Variants in INSR observed in about 807,000 individuals in gnomAD.
INSR encodes the protein insulin receptor.
In INSR, 67 loss-of-function variants were observed where a neutral mutation model predicts 142.6. The observed-to-expected ratio is 0.47, with a 90% CI of 0.39 to 0.58. The LOEUF (loss-of-function observed/expected upper bound fraction) is 0.58. INSR is among the 20% of genes least tolerant of loss of function. INSR has a pLI of 0.00. For missense variants in INSR, 1,248 were observed against 1,833.2 expected (o/e 0.68, Z 5.83); for synonymous variants, 756 against 743.1 (o/e 1.02, Z -0.28).
chr19:7,195,375 G>T (rs571546980), intron 2 of INSR, among the ~76,000 whole-genome samples: 4 of 152,274 alleles, frequency 2.6e-5, no homozygotes, highest in East Asian at 1.9e-4. Context: ...AGGTGTGGTG[G>T]CTAACACGTG....
At chr19:7,181,395 G>A (rs1974271080) in intron 3 of INSR, among the ~76,000 whole-genome samples, 1 of 152,130 alleles carries the variant, frequency 6.6e-6, no homozygotes, top group South Asian at 2.1e-4. Flanking sequence ...AGTGAGAGAG[G>A]CCAAGAAGAA....
In INSR at chr19:7,155,111, A is replaced by G. The variant is rs190974475; in HGVS notation, c.2030-2184T>C. 6.4e-4 allele frequency among the ~76,000 whole-genome samples: 98 copies of G among 152,288 alleles called. 1 individual carries two copies. Among genetic ancestry groups the G allele is most frequent in the African/African-American group, 2.3e-3 (94 of 41,562 alleles). On this transcript the variant is annotated intron_variant, in intron 9 of 21. Coordinates refer to ENST00000302850, the MANE Select transcript of INSR (RefSeq NM_000208.4). ...GTGCCATTTTCATGAAGGGGTCTCA[A>G]AGAAAGTCACCACTGAGACATCCTG... is the stretch of plus-strand genomic sequence containing the variant.
chr19:7,176,462 G>A (rs896195748), intron 3 of INSR, among the ~76,000 whole-genome samples: 3 of 152,166 alleles, frequency 2.0e-5, no homozygotes, highest in Non-Finnish European at 4.4e-5. Context: ...TTAACCAGGT[G>A]TGGTGGTGCC....
chr19:7,242,489 A>G (rs1462965353), intron 2 of INSR, among the ~76,000 whole-genome samples: 3 of 147,074 alleles, frequency 2.0e-5, no homozygotes, highest in Non-Finnish European at 4.4e-5. Flanking sequence ...TATTCCCAGC[A>G]TTTGAAAGGC....
chr19:7,143,039 G>T lies in INSR; in HGVS notation c.2319C>A (p.Ala773=). ...TGGGGAAAGCTGCCACCGTGGGCAC[G>T]GCCACCGTCACATTCCCAACATCGC... is the stretch of plus-strand genomic sequence containing the variant. ...SLGDVGNVTV[A]VPTVAAFPNT... is the part of the protein sequence containing the mutation. Residue 773 remains alanine, a synonymous_variant, in exon 12 of 22, where the codon GCC becomes GCA. Transcript: ENST00000302850. The T allele has an allele frequency of 6.2e-7, 1 of 1,614,186 alleles. No homozygotes were observed. Among genetic ancestry groups the T allele is most frequent in the Non-Finnish European group, 8.5e-7 (1 of 1,180,038 alleles).
chr19:7,119,667 C>T lies in INSR; in HGVS notation c.3660-84G>A, dbSNP rs544679202. 164 of 1,470,090 alleles carry T rather than the reference C, an allele frequency of 1.1e-4. No homozygotes were observed. The highest frequency in any genetic ancestry group is 2.3e-4 in the Middle Eastern group (1 of 4,304). The allele number at this position is 1,470,090 out of a possible 1,614,324, so 91.1% of individuals were successfully genotyped here. ...GCGCGCGCAAACACACACACGCAAACGCACACACACACGCAAACACACATG... is the reference window on the plus strand; with the variant it reads ...GCGCGCGCAAACACACACACGCAAATGCACACACACACGCAAACACACATG... On this transcript the variant is annotated intron_variant, in intron 20 of 21. Coordinates refer to ENST00000302850, the MANE Select transcript of INSR (RefSeq NM_000208.4). This position sits in a 1 kb window ranked among gnomAD's most constrained non-coding sequence, Gnocchi z 5.2.
intron 1 of INSR, among the ~76,000 whole-genome samples, chr19:7,284,331 T>C (rs1350086150): frequency 1.3e-5 from 2 of 152,112 alleles, no homozygotes; most frequent in Non-Finnish European, 2.9e-5. Context: ...CCCAAAGTGC[T>C]GGGATTGCAG....
At chr19:7,217,660 T>C (rs6417196) in intron 2 of INSR, among the ~76,000 whole-genome samples, 152,144 of 152,328 alleles carry the variant, frequency 1, 75,980 homozygotes, top group Middle Eastern at 1. Context: ...CCCAGGTTCA[T>C]GCCATTCTCC....
chr19:7,288,658 GAAA>G (rs57281993), intron 1 of INSR, among the ~76,000 whole-genome samples: 11,475 of 97,070 alleles, frequency 0.12, 1,456 homozygotes, highest in African/African-American at 0.3. Context: ...ATAAAAATTG[GAAA>G]AAAAAAAAAA....
chr19:7,164,781 G>C (rs1389441679), intron 8 of INSR, among the ~76,000 whole-genome samples: 1 of 138,586 alleles, frequency 7.2e-6, no homozygotes, highest in Non-Finnish European at 1.5e-5. Flanking sequence ...AGCTGAGATA[G>C]GGCCATTGCA....
intron 8 of INSR, among the ~76,000 whole-genome samples, chr19:7,165,746 C>G (rs1308943881): frequency 1.3e-5 from 2 of 151,476 alleles, no homozygotes; most frequent in Non-Finnish European, 2.9e-5. Flanking sequence ...GCCTGTAGTC[C>G]CAGCTACTCA....
At chr19:7,187,792 C>T (rs951551746) in intron 2 of INSR, among the ~76,000 whole-genome samples, 2 of 151,788 alleles carry the variant, frequency 1.3e-5, no homozygotes, top group African/African-American at 4.8e-5. Context: ...AGGCTGGTCT[C>T]GAACTCCTGG....
intron 14 of INSR, among the ~76,000 whole-genome samples, chr19:7,130,840 C>CTT (rs767861295): frequency 2.7e-5 from 4 of 150,158 alleles, no homozygotes; most frequent in Non-Finnish European, 5.9e-5. Context: ...CTTTCCTTTT[C>CTT]TTTCTTTTTC....
At chr19:7,182,535 A>C (rs1371648255) in intron 3 of INSR, among the ~76,000 whole-genome samples, 1 of 152,142 alleles carries the variant, frequency 6.6e-6, no homozygotes, top group Non-Finnish European at 1.5e-5. Flanking sequence ...TTAATTAATT[A>C]AAAGCTTCAG....
intron 2 of INSR, among the ~76,000 whole-genome samples, chr19:7,213,414 A>G (rs947772956): frequency 6.6e-6 from 1 of 151,956 alleles, no homozygotes; most frequent in East Asian, 1.9e-4. Flanking sequence ...AAAGTATGCA[A>G]AGAATTATTA....
At chr19:7,193,435 C>A (rs1226496310) in intron 2 of INSR, among the ~76,000 whole-genome samples, 1 of 150,736 alleles carries the variant, frequency 6.6e-6, no homozygotes, top group African/African-American at 2.4e-5. Flanking sequence ...TCACCTGAAC[C>A]TGGGGAGCGG....
At chr19:7,278,851 C>T (rs577852500) in intron 1 of INSR, among the ~76,000 whole-genome samples, 20 of 138,364 alleles carry the variant, frequency 1.4e-4, no homozygotes, top group East Asian at 1.1e-3. Context: ...AAAATGAGTC[C>T]GGTATGGTGG....
At chr19:7,241,669 G>A (rs188963773) in intron 2 of INSR, among the ~76,000 whole-genome samples, 1 of 152,216 alleles carries the variant, frequency 6.6e-6, no homozygotes, top group East Asian at 1.9e-4. Context: ...GCACATGCCT[G>A]TGATCCCAGC....
At chr19:7,120,778 T>TAAGA in intron 19 of INSR, 29 bp from the exon 20 acceptor site, 1 of 1,611,502 alleles carries the variant, frequency 6.2e-7, no homozygotes, top group East Asian at 2.2e-5. Context: ...CACACGCTCT[T>TAAGA]AACCTTCAGC....
Sources: gnomAD v4.1 joint callset for allele counts (sites outside exome capture counted in the v4.1 genomes callset) on GRCh38, gnomAD v4.1.1 for gene constraint, Gnocchi (gnomAD v3.1) non-coding constraint, MANE v1.5 for transcripts, NCBI Gene and HGNC (gene_info 2026-07-23, HGNC 2026-07-21) for gene names.